GABPB2: variants seen among roughly 807,000 people sequenced by gnomAD.
GABPB2 encodes the protein GA-binding protein subunit beta-2.
Under a neutral mutation model 39.1 loss-of-function variants are expected in GABPB2, and 23 were observed. That is an observed-to-expected ratio of 0.59 (90% CI 0.42 to 0.83). The LOEUF (loss-of-function observed/expected upper bound fraction) is 0.83, where lower values mean the gene tolerates loss of function less well. GABPB2 is among the 40% of genes least tolerant of loss of function. GABPB2 has a pLI of 0.00. For synonymous variants in GABPB2, 184 were observed against 199.3 expected (o/e 0.92, Z 0.65); for missense variants, 467 against 541.1 (o/e 0.86, Z 1.36).
In GABPB2 at chr1:151,107,223, G is replaced by C. The variant is rs143545867; in HGVS notation, c.922+1G>C. 6.4e-7 allele frequency: 1 copy of C among 1,564,086 alleles called. No individual in the cohort carries two copies. The highest frequency in any genetic ancestry group is 1.4e-5 in the African/African-American group (1 of 72,608). On this transcript the variant is annotated splice_donor_variant, in intron 7 of 8. Coordinates refer to ENST00000368918, the MANE Select transcript of GABPB2 (RefSeq NM_144618.3). LOFTEE classifies it high-confidence loss of function. Reference sequence around the variant, plus strand: ...GTAACTGTGCAAGATGGACAGCAAGGTGAGTTATCTCTTGTAGACAATTGT... The same window carrying C: ...GTAACTGTGCAAGATGGACAGCAAGCTGAGTTATCTCTTGTAGACAATTGT...
At chr1:151,107,785 A>T (rs141731794) in intron 7 of GABPB2, among the ~76,000 whole-genome samples, 1,597 of 152,108 alleles carry the variant, frequency 0.01, 43 homozygotes, top group African/African-American at 0.037. Context: ...AAAATACAAA[A>T]ATTAGCCAGG....
In GABPB2 at chr1:151,119,870, G is replaced by A. The variant is rs187322386; in HGVS notation, c.*1614G>A. ...CGGGAGGCGGAGGTTGCAGTGAGCT[G>A]AGATCGCACCATTACACTCCAGCCT... On this transcript the variant is annotated 3_prime_UTR_variant, in exon 9 of 9. Transcript: ENST00000368918. 1 of 150,028 alleles carries A rather than the reference G, an allele frequency of 6.7e-6. No individual in the cohort carries two copies. 9.3% of individuals were successfully genotyped at this position (150,028 alleles called of 1,614,324 possible). A position where few individuals can be genotyped will look rare whatever the true frequency, so the allele number is the denominator to read the frequency against.
intron 6 of GABPB2, among the ~76,000 whole-genome samples, chr1:151,104,838 C>CT (rs1679837969): frequency 5.3e-5 from 4 of 75,694 alleles, no homozygotes; most frequent in Admixed American, 1.6e-4. Flanking sequence ...TTTCTCTTCT[C>CT]TCTCTTTCTT....
chr1:151,116,558 A>G (rs1680890928), intron 7 of GABPB2, among the ~76,000 whole-genome samples: 1 of 152,090 alleles, frequency 6.6e-6, no homozygotes, highest in Non-Finnish European at 1.5e-5. Flanking sequence ...TCTCAAAAAT[A>G]TATAAAGACT....
chr1:151,099,325 G>C (rs1679342841), intron 5 of GABPB2, among the ~76,000 whole-genome samples: 1 of 151,894 alleles, frequency 6.6e-6, no homozygotes, highest in Non-Finnish European at 1.5e-5. Context: ...AGCCTCCTGA[G>C]TAGCTGGGAC....
intron 1 of GABPB2, among the ~76,000 whole-genome samples, chr1:151,084,247 G>C (rs902396650): frequency 1.3e-5 from 2 of 151,110 alleles, no homozygotes; most frequent in Non-Finnish European, 2.9e-5. Context: ...TTTTTGAGAC[G>C]GAGTTTCACT....
At chr1:151,099,892 G>C (rs1679381824) in intron 5 of GABPB2, among the ~76,000 whole-genome samples, 1 of 152,256 alleles carries the variant, frequency 6.6e-6, no homozygotes, top group Non-Finnish European at 1.5e-5. Context: ...TGTATTTCAA[G>C]GTCCATTTTA....
At chr1:151,082,975 CAAAAA>C (rs751689061) in intron 1 of GABPB2, among the ~76,000 whole-genome samples, 9 of 116,786 alleles carry the variant, frequency 7.7e-5, no homozygotes, top group Non-Finnish European at 1.4e-4. Flanking sequence ...GACCCTGTCT[CAAAAA>C]AAAAAAAAAG....
intron 4 of GABPB2, 82 bp downstream of exon 4, chr1:151,093,468 T>C: frequency 3.7e-6 from 4 of 1,077,178 alleles, no homozygotes; most frequent in Non-Finnish European, 5.2e-6. Flanking sequence ...AAAACTGAAT[T>C]TTCCCTATTT....
At chr1:151,082,768 G>T (rs1229905977) in intron 1 of GABPB2, among the ~76,000 whole-genome samples, 1 of 151,856 alleles carries the variant, frequency 6.6e-6, no homozygotes, top group Non-Finnish European at 1.5e-5. Flanking sequence ...TTGAGGCCAG[G>T]AGTTTGAGAC....
At chr1:151,117,057 A>G (rs1680933007) in intron 7 of GABPB2, among the ~76,000 whole-genome samples, 1 of 152,210 alleles carries the variant, frequency 6.6e-6, no homozygotes, top group African/African-American at 2.4e-5. Flanking sequence ...TCAGTGCTCT[A>G]TTAATCCTTT....
Position 151,097,979 on chromosome 1 carries a change from C to T in GABPB2, c.599C>T (p.Ser200Leu). The T allele has an allele frequency of 1.2e-6, 2 of 1,614,036 alleles. No homozygotes were observed. The highest frequency in any genetic ancestry group is 1.7e-6 in the Non-Finnish European group (2 of 1,179,982). Reference protein sequence around the residue: ...EVVNLASLISSTNTKTTSGDP... With the variant: ...EVVNLASLISLTNTKTTSGDP... ...GTTAACCTCGCAAGCCTTATTTCTT[C>T]AACCAACACCAAAACAACCTCAGGT... Residue 200 changes from serine (S) to leucine (L), a missense_variant, in exon 5 of 9, where the codon TCA (serine) becomes TTA (leucine). Transcript: ENST00000368918.
At chr1:151,085,884 T>C (rs924664916) in intron 1 of GABPB2, among the ~76,000 whole-genome samples, 7 of 152,040 alleles carry the variant, frequency 4.6e-5, no homozygotes, top group Non-Finnish European at 8.8e-5. Context: ...CCCAACACTT[T>C]GGGATTCTAT....
intron 7 of GABPB2, among the ~76,000 whole-genome samples, chr1:151,114,742 G>C (rs1254842569): frequency 1.3e-5 from 2 of 152,058 alleles, no homozygotes; most frequent in Admixed American, 6.6e-5. Context: ...AGGCATGGTG[G>C]CTCAAGCCTA....
rs371504117 is a variant in GABPB2 at position 151,114,344 on chromosome 1, TAATAAATA to T, written c.923-3029_923-3022del. ...GGTAACAGAGTGAGACTCTGTCTCATAATAAATAAATAAATAAATAAATAAAGCATTAT... is the reference window on the plus strand; with the variant it reads ...GGTAACAGAGTGAGACTCTGTCTCATAATAAATAAATAAATAAAGCATTAT... On this transcript the variant is annotated intron_variant, in intron 7 of 8. Transcript: ENST00000368918. 3.4e-3 allele frequency among the ~76,000 whole-genome samples: 504 copies of T among 150,282 alleles called. 1 individual carries two copies. The highest frequency in any genetic ancestry group is 7.6e-3 in the South Asian group (36 of 4,728).
chr1:151,118,314 TATAC>T lies in GABPB2; in HGVS notation c.*60_*63del. The T allele has an allele frequency of 6.9e-7, 1 of 1,454,522 alleles. No homozygotes were observed. Among genetic ancestry groups the T allele is most frequent in the Non-Finnish European group, 9.4e-7 (1 of 1,066,976 alleles). The allele number at this position is 1,454,522 out of a possible 1,614,324, so 90.1% of individuals were successfully genotyped here. ...ATTAATCCTCTTTTAAAAAAGGAAA[TATAC>T]AGAAGACAAACATTGTATAAAAACT... On this transcript the variant is annotated 3_prime_UTR_variant, in exon 9 of 9. Transcript: ENST00000368918.
chr1:151,071,590 C>T (rs907768203), intron 1 of GABPB2, among the ~76,000 whole-genome samples: 3 of 152,064 alleles, frequency 2.0e-5, no homozygotes, highest in Non-Finnish European at 4.4e-5. Context: ...CTGCCTCAGC[C>T]TCCCGAGTAG....
In GABPB2 at chr1:151,100,481, A is replaced by G. The variant is rs190497317; in HGVS notation, c.622+2479A>G. On this transcript the variant is annotated intron_variant, in intron 5 of 8. Transcript: ENST00000368918. ...TTTTTAGTAGAGATGGGGTTTCACCATGTTGCCCAGGCTGGTCTCAAACTC... is the reference window on the plus strand; with the variant it reads ...TTTTTAGTAGAGATGGGGTTTCACCGTGTTGCCCAGGCTGGTCTCAAACTC... 7.0e-3 allele frequency among the ~76,000 whole-genome samples: 1,034 copies of G among 148,464 alleles called. 6 individuals carry two copies. Among genetic ancestry groups the G allele is most frequent in the Middle Eastern group, 0.015 (4 of 274 alleles).
At position 151,097,909 on chromosome 1, in the gene GABPB2, C is replaced by T; in HGVS notation, c.529C>T (p.Pro177Ser). The T allele has an allele frequency of 6.2e-7, 1 of 1,613,902 alleles. No individual in the cohort carries two copies. The highest frequency in any genetic ancestry group is 1.1e-5 in the South Asian group (1 of 91,070). The change falls in exon 5 of 9, where the codon CCT becomes TCT. Residue 177 changes from proline (P) to serine (S), a missense_variant. By Grantham distance (74) the Pro-to-Ser change is moderately conservative (BLOSUM62 -1). Coordinates refer to ENST00000368918, the MANE Select transcript of GABPB2 (RefSeq NM_144618.3). ...NPERANPVTD[P>S]VSMAAPFIFT... Reference sequence around the variant, plus strand: ...AGAGAGAGCCAACCCTGTGACTGACCCTGTGAGTATGGCTGCTCCATTCAT... The same window carrying T: ...AGAGAGAGCCAACCCTGTGACTGACTCTGTGAGTATGGCTGCTCCATTCAT...
Sources: gnomAD v4.1 joint callset for allele counts (sites outside exome capture counted in the v4.1 genomes callset) on GRCh38, gnomAD v4.1.1 for gene constraint, MANE v1.5 for transcripts, NCBI Gene and HGNC (gene_info 2026-07-23, HGNC 2026-07-21) for gene names.